Variants in ADI1 observed in about 807,000 individuals in gnomAD.
The protein encoded by ADI1 is acireductone dioxygenase 1, also known as acireductone dioxygenase.
ADI1 carries 21 observed loss-of-function variants against 18.7 expected under a neutral mutation model. That is an observed-to-expected ratio of 1.13 (90% CI 0.80 to 1.62). ADI1 has a LOEUF of 1.62. ADI1 is among the 40% of genes most tolerant of loss of function. ADI1 has a pLI of 0.00. For missense variants in ADI1, 245 were observed against 254.9 expected, an observed-to-expected ratio of 0.96 and a Z score of 0.26; for synonymous variants, 90 against 100.1, an observed-to-expected ratio of 0.90 and a Z score of 0.60.
At position 3,498,742 on chromosome 2, in the gene ADI1, A is replaced by G; in HGVS notation, c.*221T>C. ...ACTAACACAGGGCCATGGACCCACC[A>G]GTCTTGATTGAGTTACAGAAAATGA... is the stretch of plus-strand genomic sequence containing the variant. On this transcript the variant is annotated 3_prime_UTR_variant, in exon 4 of 4. Transcript: ENST00000327435. The G allele has an allele frequency of 1.6e-6, 1 of 622,108 alleles. No individual in the cohort carries two copies. Among genetic ancestry groups the G allele is most frequent in the South Asian group, 2.9e-5 (1 of 34,292 alleles). The allele number at this position is 622,108 out of a possible 1,614,324, so 38.5% of individuals were successfully genotyped here.
chr2:3,515,954 C>G, intron 1 of ADI1: 1 of 985,432 alleles, frequency 1.0e-6, no homozygotes, highest in Non-Finnish European at 1.2e-6. Flanking sequence ...ACAAAGTTGA[C>G]TCTAAAACTT....
chr2:3,504,535 C>T (rs573276810), intron 2 of ADI1, among the ~76,000 whole-genome samples: 8 of 152,204 alleles, frequency 5.3e-5, no homozygotes, highest in African/African-American at 7.2e-5. Context: ...GAAATAAAGA[C>T]AATATGTGGA....
chr2:3,503,112 C>G (rs1667063085), intron 2 of ADI1, among the ~76,000 whole-genome samples: 1 of 152,038 alleles, frequency 6.6e-6, no homozygotes, highest in Non-Finnish European at 1.5e-5. Context: ...CACTCCCATG[C>G]TAGCATTCAC....
At position 3,514,365 on chromosome 2, in the gene ADI1, C is replaced by T. The variant is rs1476941278; in HGVS notation, c.121-389G>A. Among the ~76,000 whole-genome samples, 4 of 152,316 alleles carry T rather than the reference C, an allele frequency of 2.6e-5. No homozygotes were observed. The East Asian group carries it at 5.8e-4, about 22-fold the overall frequency. On this transcript the variant is annotated intron_variant, in intron 1 of 3. Coordinates refer to ENST00000327435, the MANE Select transcript of ADI1 (RefSeq NM_018269.4). ...TGATCCTCAATGCCATCTCTTTGGT[C>T]AGTTTGTTTCCATGAGCCAAAACAT...
intron 2 of ADI1, among the ~76,000 whole-genome samples, chr2:3,509,636 A>C (rs1231367879): frequency 1.3e-5 from 2 of 152,204 alleles, no homozygotes; most frequent in Non-Finnish European, 2.9e-5. Context: ...TTTAAAATGA[A>C]ATGAAAATAA....
intron 3 of ADI1, among the ~76,000 whole-genome samples, chr2:3,499,675 T>A (rs773351817): frequency 5.9e-5 from 9 of 152,166 alleles, no homozygotes; most frequent in Non-Finnish European, 1.2e-4. Context: ...GGTCAATGAC[T>A]CACTGAAATA....
rs758578433 is a variant in ADI1, at chr2:3,500,977, T to C, written c.257A>G (p.Glu86Gly). ...CTCATCGTCCAAGTGCAAATGCTCC[T>C]CGTAGAACATCTTAATCTAGTGCAG... ...NYEEKIKMFY[E>G]EHLHLDDEIR... The change falls in exon 3 of 4, where the codon GAG (glutamate) becomes GGG (glycine). Residue 86 changes from glutamate to glycine, a missense_variant. Physicochemically the swap from Glu to Gly is moderately conservative, Grantham distance 98. Coordinates refer to ENST00000327435, the MANE Select transcript of ADI1 (RefSeq NM_018269.4). The C allele has an allele frequency of 1.2e-6, 2 of 1,609,280 alleles. No homozygotes were observed. The highest frequency in any genetic ancestry group is 4.5e-5 in the East Asian group (2 of 44,852).
intron 2 of ADI1, among the ~76,000 whole-genome samples, chr2:3,504,797 G>A (rs1572234417): frequency 6.6e-6 from 1 of 151,468 alleles, no homozygotes; most frequent in African/African-American, 2.5e-5. Context: ...TGTATTGTTG[G>A]TTCACCTGAG....
intron 1 of ADI1, chr2:3,514,745 G>A (rs1667361967): frequency 2.0e-6 from 3 of 1,523,750 alleles, no homozygotes; most frequent in Non-Finnish European, 2.6e-6. Flanking sequence ...TAAAACTACT[G>A]GCAGTGAATC....
chr2:3,509,890 T>C (rs558389775), intron 2 of ADI1, among the ~76,000 whole-genome samples: 78 of 150,920 alleles, frequency 5.2e-4, no homozygotes, highest in African/African-American at 1.8e-3. Flanking sequence ...ATGCCTGTAA[T>C]CCCAGCACTT....
chr2:3,516,127 G>C (rs777727393), intron 1 of ADI1: 9 of 865,470 alleles, frequency 1.0e-5, no homozygotes, highest in Non-Finnish European at 1.1e-5. Flanking sequence ...TAAGGGGTGG[G>C]ACCTTTAGGA....
intron 2 of ADI1, among the ~76,000 whole-genome samples, chr2:3,509,195 T>C (rs931210584): frequency 6.6e-6 from 1 of 152,182 alleles, no homozygotes; most frequent in Non-Finnish European, 1.5e-5. Context: ...CTAACACTGA[T>C]AGAACTGCAA....
intron 2 of ADI1, among the ~76,000 whole-genome samples, chr2:3,502,004 C>T (rs13384572): frequency 0.53 from 73,071 of 136,876 alleles, 20,826 homozygotes; most frequent in African/African-American, 0.82. Flanking sequence ...TCCCGCTCCA[C>T]ACACACACAC....
intron 2 of ADI1, among the ~76,000 whole-genome samples, chr2:3,507,569 A>C (rs538090267): frequency 6.6e-6 from 1 of 152,304 alleles, no homozygotes; most frequent in South Asian, 2.1e-4. Context: ...TTAAAAGTGA[A>C]GAAGAAATAA....
chr2:3,519,292 T>G, intron 1 of ADI1, 76 bp downstream of exon 1: 1 of 1,315,744 alleles, frequency 7.6e-7, no homozygotes, highest in Non-Finnish European at 9.7e-7. Context: ...GCCCGGCACC[T>G]GGAGGAGGCT....
intron 1 of ADI1, chr2:3,517,765 A>C (rs1480802902): frequency 1.3e-5 from 2 of 151,544 alleles, no homozygotes; most frequent in Non-Finnish European, 2.9e-5. Flanking sequence ...AAAAAAAAAA[A>C]GAAAGGAAGA....
intron 1 of ADI1, chr2:3,516,870 G>A: frequency 1.0e-6 from 1 of 985,216 alleles, no homozygotes; most frequent in Non-Finnish European, 1.2e-6. Flanking sequence ...TATGGGAGAT[G>A]TTACATATAT....
rs147446974 is a variant in ADI1 at position 3,500,833 on chromosome 2, C to G, written c.401G>C (p.Arg134Pro). The change falls in exon 3 of 4, where the codon CGC becomes CCC. Residue 134 changes from arginine (R) to proline (P), a missense_variant. Coordinates refer to ENST00000327435, the MANE Select transcript of ADI1 (RefSeq NM_018269.4). ...MVTLPAGIYH[R>P]FTVDEKNYTK... ...TCCCACCTTCTCGTCCACCGTGAAG[C>G]GGTGATAGATCCCCGCGGGGAGCGT... 1 of 1,614,028 alleles carries G rather than the reference C, an allele frequency of 6.2e-7. No homozygotes were observed. The highest frequency in any genetic ancestry group is 1.1e-5 in the South Asian group (1 of 91,070).
intron 2 of ADI1, 131 bp downstream of exon 2, chr2:3,513,726 T>C: frequency 1.0e-6 from 1 of 976,310 alleles, no homozygotes; most frequent in East Asian, 2.7e-5. Flanking sequence ...TTACACAGTT[T>C]CAGGTATTTA....
Sources: allele counts gnomAD v4.1 joint callset (sites outside exome capture counted in the v4.1 genomes callset), GRCh38; gene constraint gnomAD v4.1.1; transcripts MANE v1.5; gene names NCBI Gene and HGNC (gene_info 2026-07-23, HGNC 2026-07-21).